The following AXIN1 variants were observed in gnomAD, a reference collection of about 807,000 sequenced individuals.
AXIN1 encodes axin 1, also known as axin-1.
A neutral mutation model predicts 76.4 loss-of-function variants in AXIN1; 30 were observed. The observed-to-expected ratio is 0.39, with a 90% confidence interval of 0.29 to 0.53. AXIN1 has a LOEUF of 0.53. Ranked by LOEUF, AXIN1 falls within the 20% of genes least tolerant of loss-of-function variation. The probability of loss-of-function intolerance (pLI) is 0.66; values close to 1 mark genes in which losing one functional copy is unlikely to be tolerated. For synonymous variants in AXIN1, 545 were observed against 501.4 expected, an observed-to-expected ratio of 1.09 and a Z score of -1.16; for missense variants, 1,140 against 1,198.8, an observed-to-expected ratio of 0.95 and a Z score of 0.72.
Position 346,969 on chromosome 16 carries a change from A to G in AXIN1, c.57T>C (p.Asp19=), listed in dbSNP as rs2054047098. The change falls in exon 2 of 11, where the codon GAT becomes GAC. Residue 19 remains aspartate (D), a synonymous_variant. Transcript: ENST00000262320. ...CACCAGGCACTGGGGGTCGGGGAGC[A>G]TCTTCGGTGAAACTTGCTCCGAGGT... is the stretch of plus-strand genomic sequence containing the variant. ...PLDLGASFTE[D]APRPPVPGEE... The G allele has an allele frequency of 1.2e-6, 2 of 1,614,222 alleles. No individual in the cohort carries two copies. The highest frequency in any genetic ancestry group is 1.7e-6 in the Non-Finnish European group (2 of 1,180,032).
rs2052636208 is a variant in AXIN1, at chr16:293,859, T to C, written c.1956-141A>G. On this transcript the variant is annotated intron_variant, in intron 7 of 10. Transcript: ENST00000262320. This position sits in a 1 kb window ranked among gnomAD's most constrained non-coding sequence, Gnocchi z 4.6. ...ACTGGGGCCTGGCCACCAAGCCACA[T>C]GGACGTCCTCCACAGACCACACAAT... The C allele has an allele frequency of 2.5e-6, 2 of 804,552 alleles. No individual in the cohort carries two copies. The highest frequency in any genetic ancestry group is 3.0e-4 in the Middle Eastern group (1 of 3,328). 49.8% of individuals were successfully genotyped at this position (804,552 alleles called of 1,614,324 possible). A position where few individuals can be genotyped will look rare whatever the true frequency, so the allele number is the denominator to read the frequency against.
chr16:350,007 T>C (rs1015389697), intron 1 of AXIN1, among the ~76,000 whole-genome samples: 3 of 152,154 alleles, frequency 2.0e-5, no homozygotes, highest in African/African-American at 7.2e-5. Context: ...CAGGCTGGTC[T>C]CAAACTCCTG....
At chr16:307,375 A>G (rs531359364) in intron 4 of AXIN1, among the ~76,000 whole-genome samples, 9 of 152,328 alleles carry the variant, frequency 5.9e-5, no homozygotes, top group Admixed American at 5.9e-4. Context: ...AGAGGAACAG[A>G]AAAAAATATC....
chr16:344,429 C>CAAAA (rs71139776), intron 2 of AXIN1, among the ~76,000 whole-genome samples: 67 of 117,438 alleles, frequency 5.7e-4, no homozygotes, highest in East Asian at 1.0e-3. Flanking sequence ...GACTCCATCT[C>CAAAA]AAAAAAAAAA....
At chr16:338,119 G>C (rs1448974098) in intron 2 of AXIN1, among the ~76,000 whole-genome samples, 2 of 152,220 alleles carry the variant, frequency 1.3e-5, no homozygotes, top group Non-Finnish European at 2.9e-5. Flanking sequence ...CCATAGCCCA[G>C]CCTGGCCCCC....
At chr16:310,419 T>TG (rs1165697763) in intron 3 of AXIN1, among the ~76,000 whole-genome samples, 2 of 152,112 alleles carry the variant, frequency 1.3e-5, no homozygotes, top group African/African-American at 4.8e-5. Context: ...TTTTTTGAGA[T>TG]GGAGTCTCGC....
chr16:295,108 C>CT (rs1004033017), intron 7 of AXIN1, among the ~76,000 whole-genome samples: 1 of 116,626 alleles, frequency 8.6e-6, no homozygotes, highest in African/African-American at 3.1e-5. Context: ...TTTTTTTTTT[C>CT]TTTTTTTGAG....
chr16:323,305 G>A (rs905795829), intron 2 of AXIN1, among the ~76,000 whole-genome samples: 1 of 151,502 alleles, frequency 6.6e-6, no homozygotes, highest in Admixed American at 6.6e-5. Flanking sequence ...CGGGTGCGGT[G>A]GCGGGCACCT....
At chr16:326,393 A>T (rs1261665735) in intron 2 of AXIN1, among the ~76,000 whole-genome samples, 7 of 142,188 alleles carry the variant, frequency 4.9e-5, no homozygotes, top group Non-Finnish European at 9.2e-5. Context: ...ATATATATAT[A>T]TACACACCTA....
At chr16:290,119 C>T (rs984940983) in intron 9 of AXIN1, 9 of 196,458 alleles carry the variant, frequency 4.6e-5, no homozygotes, top group Admixed American at 3.7e-4. Context: ...CAGGCTGAGC[C>T]GGGCCCTCCT....
In AXIN1 at chr16:293,543, G is replaced by A. The variant is rs150504240; in HGVS notation, c.2131C>T (p.Arg711Cys). 60 of 1,611,494 alleles carry A rather than the reference G, an allele frequency of 3.7e-5. No individual in the cohort carries two copies. The highest frequency in any genetic ancestry group is 2.4e-4 in the South Asian group (22 of 91,044). ...PNPLTQLEEA[R>C]RRLEEEEKRA... The stretch of plus-strand genomic sequence containing the variant: ...TTTTCTTCCTCCTCCAGACGTCGGC[G>A]CGCCTCCTCCAGCTGGGTTAGGGGG... Residue 711 changes from arginine to cysteine, a missense_variant, in exon 8 of 11, where the codon CGC becomes TGC. Coordinates refer to ENST00000262320, the MANE Select transcript of AXIN1 (RefSeq NM_003502.4). This position sits in a 1 kb window ranked among gnomAD's most constrained non-coding sequence, Gnocchi z 4.6.
intron 1 of AXIN1, among the ~76,000 whole-genome samples, chr16:349,168 G>A (rs1486694922): frequency 1.3e-5 from 2 of 152,226 alleles, no homozygotes; most frequent in African/African-American, 2.4e-5. Flanking sequence ...ATAGATGGAG[G>A]ATGGTTTGCA....
rs567011744 is a variant in AXIN1 at position 293,930 on chromosome 16, C to A, written c.1956-212G>T. Among the ~76,000 whole-genome samples the A allele has an allele frequency of 1.3e-3, 199 of 152,290 alleles. 2 individuals carry two copies. The highest frequency in any genetic ancestry group is 3.1e-4 in the Non-Finnish European group (21 of 68,018). On this transcript the variant is annotated intron_variant, in intron 7 of 10. Transcript: ENST00000262320. The surrounding 1 kb of genome is among the most constrained non-coding windows in gnomAD (Gnocchi z 4.6). Reference sequence around the variant, plus strand: ...TGGTGGCTCACACCTGTAATCCCAGCATTTCGGGAGGCCGAGGCGGGCAGA... The same window carrying A: ...TGGTGGCTCACACCTGTAATCCCAGAATTTCGGGAGGCCGAGGCGGGCAGA...
intron 2 of AXIN1, among the ~76,000 whole-genome samples, chr16:327,955 A>G (rs974040612): frequency 4.6e-5 from 7 of 152,230 alleles, no homozygotes; most frequent in Non-Finnish European, 1.5e-5. Flanking sequence ...ACTCTAAACA[A>G]ATGCTTCACC....
chr16:288,207 AC>A lies in AXIN1; in HGVS notation c.2503del (p.Val835TrpfsTer103). ...GTCCTCTCGAACCTCCTCAAACACC[AC>A]CCCACAGTCAAACTCGTCGCTCACT... ...KKVSDEFDCG[V>X]VFEEVREDEA... On this transcript the variant is annotated frameshift_variant, in exon 11 of 11. Coordinates refer to ENST00000262320, the MANE Select transcript of AXIN1 (RefSeq NM_003502.4). LOFTEE classifies it high-confidence loss of function. 1 of 1,613,262 alleles carries A rather than the reference AC, an allele frequency of 6.2e-7. No individual in the cohort carries two copies. The highest frequency in any genetic ancestry group is 8.5e-7 in the Non-Finnish European group (1 of 1,179,924).
intron 5 of AXIN1, among the ~76,000 whole-genome samples, chr16:300,803 G>A (rs921488892): frequency 5.3e-5 from 8 of 152,192 alleles, no homozygotes; most frequent in Non-Finnish European, 2.9e-5. Context: ...TTAACCGAGG[G>A]TCTTCCTAGG....
rs1400432084 is a variant in AXIN1 at position 298,157 on chromosome 16, C to T, written c.1349G>A (p.Arg450His). 5.2e-6 allele frequency: 8 copies of T among 1,543,128 alleles called. No homozygotes were observed. Among genetic ancestry groups the T allele is most frequent in the African/African-American group, 1.4e-5 (1 of 73,114 alleles). The change falls in exon 6 of 11, where the codon CGC becomes CAC. Residue 450 changes from arginine to histidine, a missense_variant. This residue lies in a region of AXIN1 where 708 missense variants were observed against 776.9 expected (regional missense o/e 0.91). Transcript: ENST00000262320. ...PAPAWHHFPP[R>H]CVDMGCAGLR... is the part of the protein sequence containing the mutation. Reference sequence around the variant, plus strand: ...CCCGGCACAGCCCATGTCCACACAGCGGGGCGGGAAGTGGTGCCAAGCGGG... The same window carrying T: ...CCCGGCACAGCCCATGTCCACACAGTGGGGCGGGAAGTGGTGCCAAGCGGG...
intron 2 of AXIN1, among the ~76,000 whole-genome samples, chr16:327,702 A>G (rs906533587): frequency 2.0e-5 from 3 of 152,256 alleles, no homozygotes; most frequent in African/African-American, 7.2e-5. Flanking sequence ...ACCAGCACTT[A>G]CTGGCTACTG....
At position 293,800 on chromosome 16, in the gene AXIN1, G is replaced by A; in HGVS notation, c.1956-82C>T. ...GGTGGGGCTACACTCATCTCACAAGGGCAGCCTCCTTGAGGGATAGGATGG... is the reference window on the plus strand; with the variant it reads ...GGTGGGGCTACACTCATCTCACAAGAGCAGCCTCCTTGAGGGATAGGATGG... On this transcript the variant is annotated intron_variant, in intron 7 of 10. Transcript: ENST00000262320. This position sits in a 1 kb window ranked among gnomAD's most constrained non-coding sequence, Gnocchi z 4.6. 7.2e-7 allele frequency: 1 copy of A among 1,387,692 alleles called. No homozygotes were observed. The highest frequency in any genetic ancestry group is 1.0e-6 in the Non-Finnish European group (1 of 984,210). The allele number at this position is 1,387,692 out of a possible 1,614,324, so 86.0% of individuals were successfully genotyped here.
Sources: allele counts gnomAD v4.1 joint callset (sites outside exome capture counted in the v4.1 genomes callset), GRCh38; gene constraint gnomAD v4.1.1; regional missense constraint gnomAD v4.1.1; non-coding constraint Gnocchi (gnomAD v3.1); transcripts MANE v1.5; gene names NCBI Gene and HGNC (gene_info 2026-07-23, HGNC 2026-07-21).